MACROD2: variants seen among roughly 807,000 people sequenced by gnomAD.
MACROD2 encodes mono-ADP ribosylhydrolase 2.
MACROD2 carries 36 observed loss-of-function variants against 70.4 expected under a neutral mutation model. The observed-to-expected ratio is 0.51, with a 90% CI of 0.39 to 0.68. The LOEUF is 0.68. Ranked by LOEUF, MACROD2 falls within the 30% of genes least tolerant of loss-of-function variation. The pLI is 0.00. For synonymous variants in MACROD2, 172 were observed against 178.8 expected, an observed-to-expected ratio of 0.96 and a Z score of 0.30; for missense variants, 496 against 538.4, an observed-to-expected ratio of 0.92 and a Z score of 0.78.
intron 3 of MACROD2, among the ~76,000 whole-genome samples, chr20:14,366,382 T>TG (rs1186879415): frequency 6.6e-6 from 1 of 151,218 alleles, no homozygotes; most frequent in Non-Finnish European, 1.5e-5. Context: ...TTTTTTTTTT[T>TG]TTTTGAGACT....
chr20:14,124,626 A>T (rs2054624126), intron 3 of MACROD2, among the ~76,000 whole-genome samples: 1 of 152,098 alleles, frequency 6.6e-6, no homozygotes, highest in East Asian at 1.9e-4. Flanking sequence ...AAAATAAAGG[A>T]AGTGGTGAGA....
At chr20:16,013,968 C>T (rs911591767) in intron 15 of MACROD2, among the ~76,000 whole-genome samples, 4 of 152,192 alleles carry the variant, frequency 2.6e-5, no homozygotes, top group African/African-American at 4.8e-5. Context: ...CTATATCTAC[C>T]ATCAACTGGT....
At chr20:14,916,793 A>T (rs899833562) in intron 5 of MACROD2, among the ~76,000 whole-genome samples, 2 of 152,116 alleles carry the variant, frequency 1.3e-5, no homozygotes, top group Non-Finnish European at 2.9e-5. Flanking sequence ...TGTAAGTATA[A>T]TTCCCGTATT....
intron 6 of MACROD2, among the ~76,000 whole-genome samples, chr20:15,237,088 A>G (rs1349288984): frequency 6.6e-6 from 1 of 152,198 alleles, no homozygotes; most frequent in African/African-American, 2.4e-5. Flanking sequence ...CCCACATGGG[A>G]AAACTGTCCC....
chr20:15,167,704 A>G (rs755817557), intron 5 of MACROD2, among the ~76,000 whole-genome samples: 40 of 152,284 alleles, frequency 2.6e-4, no homozygotes, highest in Middle Eastern at 3.4e-3. Flanking sequence ...AAGTGCAAAA[A>G]ATATAATTCA....
intron 5 of MACROD2, among the ~76,000 whole-genome samples, chr20:15,118,031 G>A (rs563442418): frequency 1.3e-5 from 2 of 151,994 alleles, no homozygotes; most frequent in South Asian, 4.2e-4. Flanking sequence ...AAACTCCTAG[G>A]TCTCTCAGGA....
chr20:15,647,628 G>A (rs1317873213), intron 8 of MACROD2, among the ~76,000 whole-genome samples: 1 of 152,028 alleles, frequency 6.6e-6, no homozygotes, highest in East Asian at 1.9e-4. Context: ...TAATTCTTGT[G>A]GGAAAAGTAT....
chr20:14,274,608 A>C (rs559839309), intron 3 of MACROD2, among the ~76,000 whole-genome samples: 27 of 152,238 alleles, frequency 1.8e-4, no homozygotes, highest in African/African-American at 5.8e-4. Flanking sequence ...GCCCTCTCTC[A>C]CCACTCCTAT....
chr20:15,386,010 G>C (rs1191094513), intron 6 of MACROD2, among the ~76,000 whole-genome samples: 1 of 152,154 alleles, frequency 6.6e-6, no homozygotes, highest in Non-Finnish European at 1.5e-5. Context: ...GGTCTGAAAA[G>C]CTGCTCGGTT....
rs189181608 is a variant in MACROD2, at chr20:15,297,868, A to G, written c.540+67807A>G. 2.4e-3 allele frequency among the ~76,000 whole-genome samples: 365 copies of G among 152,338 alleles called. 2 individuals carry two copies. Among genetic ancestry groups the G allele is most frequent in the Non-Finnish European group, 4.1e-3 (278 of 68,036 alleles). On this transcript the variant is annotated intron_variant, in intron 6 of 17. Coordinates refer to ENST00000684519, the MANE Select transcript of MACROD2 (RefSeq NM_001351661.2). ...TTTAATGACTCAATCACAGTGTGAA[A>G]TGTTTTTCAAACATTTTATTTTATA...
At chr20:14,580,501 G>C (rs193196300) in intron 4 of MACROD2, among the ~76,000 whole-genome samples, 107 of 152,088 alleles carry the variant, frequency 7.0e-4, no homozygotes, top group African/African-American at 2.2e-3. Context: ...ATTTGCAACT[G>C]TCAAGCAAAA....
intron 5 of MACROD2, among the ~76,000 whole-genome samples, chr20:15,136,214 T>C (rs1345886519): frequency 6.8e-6 from 1 of 146,970 alleles, no homozygotes; most frequent in African/African-American, 2.5e-5. Context: ...AAAACTACTT[T>C]AAAGTTCATA....
chr20:14,349,814 C>CTTTTTTTTTTTT (rs538685508), intron 3 of MACROD2, among the ~76,000 whole-genome samples: 1 of 132,242 alleles, frequency 7.6e-6, no homozygotes, highest in Non-Finnish European at 1.6e-5. Flanking sequence ...TTCTTTTTTT[C>CTTTTTTTTTTTT]TTTTTTTTTT....
At chr20:14,963,671 A>G (rs2074604708) in intron 5 of MACROD2, among the ~76,000 whole-genome samples, 1 of 152,196 alleles carries the variant, frequency 6.6e-6, no homozygotes. Flanking sequence ...CAAGCTCAGG[A>G]TGGAAATATG....
intron 7 of MACROD2, among the ~76,000 whole-genome samples, chr20:15,462,360 A>C (rs2046830968): frequency 6.6e-6 from 1 of 152,204 alleles, no homozygotes; most frequent in Admixed American, 6.5e-5. Flanking sequence ...GTCTGTAGAG[A>C]CCACCAGAAA....
chr20:15,438,918 G>A (rs954004085), intron 7 of MACROD2, among the ~76,000 whole-genome samples: 1 of 152,166 alleles, frequency 6.6e-6, no homozygotes, highest in South Asian at 2.1e-4. Flanking sequence ...AAGCTACCCA[G>A]TTGGTATTTT....
chr20:15,589,563 G>T (rs759396126), intron 8 of MACROD2, among the ~76,000 whole-genome samples: 2 of 152,060 alleles, frequency 1.3e-5, no homozygotes, highest in African/African-American at 2.4e-5. Context: ...TTACATTAGG[G>T]TGCAGTCTTG....
intron 3 of MACROD2, among the ~76,000 whole-genome samples, chr20:14,367,653 GT>G (rs2083284447): frequency 6.6e-6 from 1 of 152,152 alleles, no homozygotes; most frequent in African/African-American, 2.4e-5. Flanking sequence ...AGGATCCCTT[GT>G]ATGTTGGATG....
chr20:15,096,088 G>A (rs2075829482), intron 5 of MACROD2, among the ~76,000 whole-genome samples: 1 of 152,136 alleles, frequency 6.6e-6, no homozygotes, highest in Non-Finnish European at 1.5e-5. Flanking sequence ...CAGGTGTGCA[G>A]TAGTAGAACC....
Sources: allele counts gnomAD v4.1 joint callset (sites outside exome capture counted in the v4.1 genomes callset), GRCh38; gene constraint gnomAD v4.1.1; transcripts MANE v1.5; gene names NCBI Gene and HGNC (gene_info 2026-07-23, HGNC 2026-07-21).